Variants in CFAP92 observed in about 807,000 individuals in gnomAD.
CFAP92 encodes uncharacterized protein CFAP92.
CFAP92 carries 86 observed loss-of-function variants against 106.3 expected under a neutral mutation model. That is an observed-to-expected ratio of 0.81 (90% CI 0.68 to 0.97). The LOEUF is 0.97. CFAP92 is among the 50% of genes least tolerant of loss of function. CFAP92 has a pLI of 0.00. For synonymous variants in CFAP92, 477 were observed against 506.4 expected (o/e 0.94, Z 0.78); for missense variants, 1,204 against 1,283.8 (o/e 0.94, Z 0.95).
At chr3:128,959,777 T>G (rs1242995953) in intron 9 of CFAP92, among the ~76,000 whole-genome samples, 1 of 152,208 alleles carries the variant, frequency 6.6e-6, no homozygotes, top group Non-Finnish European at 1.5e-5. Flanking sequence ...CTCTTTTGTA[T>G]CTCACTGTGG....
At chr3:129,002,261 C>A (rs1176741419) in intron 1 of CFAP92, 1 of 1,531,178 alleles carries the variant, frequency 6.5e-7, no homozygotes, top group Non-Finnish European at 8.7e-7. Context: ...GCAGCTTGCG[C>A]GAGTTGGTGG....
intron 4 of CFAP92, among the ~76,000 whole-genome samples, chr3:128,981,002 C>G (rs1021065775): frequency 6.6e-6 from 1 of 151,626 alleles, no homozygotes; most frequent in Non-Finnish European, 1.5e-5. Flanking sequence ...TTAAAGACAT[C>G]TAGAATGGGG....
chr3:129,025,646 A>T, the CFAP92 span, among the ~76,000 whole-genome samples: 1 of 152,152 alleles, frequency 6.6e-6, no homozygotes, highest in African/African-American at 2.4e-5. Context: ...CTATTATAGC[A>T]TGTGAGTGTG....
intron 9 of CFAP92, among the ~76,000 whole-genome samples, chr3:128,952,132 TCTTC>T (rs1462710137): frequency 7.7e-5 from 11 of 142,336 alleles, no homozygotes; most frequent in Non-Finnish European, 1.3e-4. Flanking sequence ...TTCTTCTTCT[TCTTC>T]TTTTTTTTTT....
At chr3:128,981,042 T>C (rs529943744) in intron 4 of CFAP92, among the ~76,000 whole-genome samples, 6 of 151,680 alleles carry the variant, frequency 4.0e-5, no homozygotes, top group Middle Eastern at 3.4e-3. Context: ...TTCTTTCTTT[T>C]TTTTTTTTTT....
intron 9 of CFAP92, among the ~76,000 whole-genome samples, chr3:128,957,185 TAGAAAGGA>T (rs1941507554): frequency 2.6e-5 from 4 of 152,146 alleles, no homozygotes; most frequent in Non-Finnish European, 5.9e-5. Context: ...CTTGGAACAT[TAGAAAGGA>T]AGAAAGGATA....
rs1205944769 is a variant in CFAP92, at chr3:128,993,257, C to T, written c.48G>A (p.Glu16=). The T allele has an allele frequency of 6.2e-7, 1 of 1,613,914 alleles. No homozygotes were observed. Among genetic ancestry groups the T allele is most frequent in the East Asian group, 2.2e-5 (1 of 44,870 alleles). Residue 16 remains glutamate (E), a synonymous_variant, in exon 2 of 16, where the codon GAG becomes GAA. Coordinates refer to ENST00000645291, the MANE Select transcript of CFAP92 (RefSeq NM_001394090.1). ...AAAAGCTAGTGATGGAGGAGATGGG[C>T]TCTATGCTTGCGGGGTCCTCTTCCC... ...WEWEEDPASI[E]PISSITSFYQ... is the part of the protein sequence containing the mutation.
chr3:128,915,388 A>G lies in CFAP92; in HGVS notation c.3092T>C (p.Leu1031Pro), dbSNP rs909426469. 2.0e-6 allele frequency: 3 copies of G among 1,535,970 alleles called. No individual in the cohort carries two copies. In the African/African-American group the frequency reaches 4.1e-5, roughly 21 times the overall value. The change falls in exon 14 of 16, where the codon CTC (leucine) becomes CCC (proline). Residue 1031 changes from leucine to proline, a missense_variant. Leu to Pro is a moderately conservative substitution (Grantham distance 98). Coordinates refer to ENST00000645291, the MANE Select transcript of CFAP92 (RefSeq NM_001394090.1). ...QSDTESSFQD[L>P]KLPPIKELNE... is the part of the protein sequence containing the mutation. ...CAGCTCTTTGATGGGTGGCAGCTTG[A>G]GATCCTGAAAGCTGCTTTCGGTGTC...
the CFAP92 span, among the ~76,000 whole-genome samples, chr3:129,025,138 G>A: frequency 2.0e-5 from 3 of 152,262 alleles, no homozygotes; most frequent in African/African-American, 7.2e-5. Context: ...ATCTGAGCCC[G>A]AGGTTCAAGA....
At chr3:128,927,440 G>T (rs1276991060) in intron 12 of CFAP92, among the ~76,000 whole-genome samples, 1 of 152,120 alleles carries the variant, frequency 6.6e-6, no homozygotes, top group African/African-American at 2.4e-5. Flanking sequence ...TAATTCTAGG[G>T]CCGGGCGCGG....
intron 10 of CFAP92, among the ~76,000 whole-genome samples, chr3:128,942,916 CTTTTTTTTTT>C (rs36073693): frequency 2.4e-5 from 2 of 84,950 alleles, no homozygotes; most frequent in Non-Finnish European, 4.1e-5. Context: ...AAAACTCAAC[CTTTTTTTTTT>C]TTTTTTTTTT....
intron 13 of CFAP92, 26 bp from the exon 14 acceptor site, chr3:128,915,589 G>A (rs1177817480): frequency 3.5e-6 from 5 of 1,430,768 alleles, no homozygotes; most frequent in Non-Finnish European, 4.6e-6. Context: ...GACAGGTTGG[G>A]GTGGAAGGGC....
intron 10 of CFAP92, among the ~76,000 whole-genome samples, chr3:128,942,427 C>A (rs2107722767): frequency 6.6e-6 from 1 of 152,334 alleles, no homozygotes; most frequent in Middle Eastern, 3.4e-3. Context: ...GTATGGCAGG[C>A]TGGCTGACCG....
chr3:128,912,796 C>CT, intron 15 of CFAP92: 1 of 733,576 alleles, frequency 1.4e-6, no homozygotes, highest in Non-Finnish European at 2.5e-6. Flanking sequence ...GCAGTGCTCT[C>CT]TAACAGGACC....
intron 4 of CFAP92, among the ~76,000 whole-genome samples, chr3:128,984,393 G>T (rs1943720587): frequency 6.6e-6 from 1 of 152,182 alleles, no homozygotes; most frequent in Non-Finnish European, 1.5e-5. Flanking sequence ...GCAGGCAGAA[G>T]AACATGGAAG....
At chr3:128,919,455 C>A (rs2107683070) in intron 12 of CFAP92, among the ~76,000 whole-genome samples, 1 of 152,124 alleles carries the variant, frequency 6.6e-6, no homozygotes, top group African/African-American at 2.4e-5. Context: ...ATATTGAGGA[C>A]AACAAAAAGG....
At chr3:128,982,445 T>A (rs1943591788) in intron 4 of CFAP92, among the ~76,000 whole-genome samples, 1 of 152,210 alleles carries the variant, frequency 6.6e-6, no homozygotes. Context: ...TGGTGTGATC[T>A]TCTATCCAGA....
chr3:128,994,201 C>T (rs192018503), upstream of CFAP92: 1 of 960,360 alleles, frequency 1.0e-6, no homozygotes, highest in Non-Finnish European at 1.2e-6. Context: ...GGCTTTCCCC[C>T]TCAGCCACTG....
At chr3:128,932,551 G>T in intron 12 of CFAP92, 149 bp downstream of exon 12, 1 of 728,398 alleles carries the variant, frequency 1.4e-6, no homozygotes, top group South Asian at 1.9e-5. Context: ...TGCACTTCTT[G>T]CCCATCCAGC....
Sources: gnomAD v4.1 joint callset for allele counts (sites outside exome capture counted in the v4.1 genomes callset) on GRCh38, gnomAD v4.1.1 for gene constraint, MANE v1.5 for transcripts, NCBI Gene and HGNC (gene_info 2026-07-23, HGNC 2026-07-21) for gene names.